HIF3A: variants seen among roughly 807,000 people sequenced by gnomAD.
HIF3A encodes hypoxia-inducible factor 3-alpha.
HIF3A carries 41 observed loss-of-function variants against 67.2 expected under a neutral mutation model. That is an observed-to-expected ratio of 0.61 (90% confidence interval 0.48 to 0.79). The LOEUF (loss-of-function observed/expected upper bound fraction) is 0.79, where lower values mean the gene tolerates loss of function less well. Ranked by LOEUF, HIF3A falls within the 30% of genes least tolerant of loss-of-function variation. HIF3A has a pLI of 0.00. For missense variants in HIF3A, 855 were observed against 898.0 expected (o/e 0.95, Z 0.61); for synonymous variants, 356 against 374.8 (o/e 0.95, Z 0.58).
chr19:46,331,843 G>A (rs1971251687), intron 13 of HIF3A, among the ~76,000 whole-genome samples: 1 of 111,466 alleles, frequency 9.0e-6, no homozygotes, highest in Non-Finnish European at 1.7e-5. Context: ...CAACAAGAGT[G>A]AAACTCCGTC....
At chr19:46,328,567 T>A (rs1970956370) in intron 11 of HIF3A, among the ~76,000 whole-genome samples, 2 of 152,164 alleles carry the variant, frequency 1.3e-5, no homozygotes, top group African/African-American at 4.8e-5. Context: ...ACTTTCCACA[T>A]AACTGCAGGC....
rs562751142 is a variant in HIF3A at position 46,298,385 on chromosome 19, C to A, written c.26+1283C>A. The A allele has an allele frequency of 3.9e-6, 5 of 1,287,388 alleles. No homozygotes were observed. The African/African-American group carries it at 6.1e-5, about 16-fold the overall frequency. The allele number at this position is 1,287,388 out of a possible 1,614,324, so 79.7% of individuals were successfully genotyped here. On this transcript the variant is annotated intron_variant, in intron 1 of 14. Transcript: ENST00000377670. The stretch of plus-strand genomic sequence containing the variant: ...GGTGCCCCCCCTCCCCACCCAAGGC[C>A]GGCCCTTTCCTGTGGAGTCATCTCA...
At chr19:46,338,096 A>C (rs568071010) in intron 14 of HIF3A, 1 of 424,300 alleles carries the variant, frequency 2.4e-6, no homozygotes, top group South Asian at 1.7e-5. Context: ...TTCTCACTGG[A>C]GTGTCGGTCC....
chr19:46,315,444 T>A (rs1299281458), intron 8 of HIF3A, among the ~76,000 whole-genome samples: 1 of 147,818 alleles, frequency 6.8e-6, no homozygotes, highest in African/African-American at 2.5e-5. Flanking sequence ...ACAGTTTTTT[T>A]ATCCATTCAC....
At chr19:46,338,603 AC>A (rs1971797685) in intron 14 of HIF3A, 1 of 912,974 alleles carries the variant, frequency 1.1e-6, no homozygotes, top group Non-Finnish European at 1.4e-6. Context: ...TCTCACCAGT[AC>A]TAGTTATGGT....
At chr19:46,304,409 G>A (rs1968642956) in intron 2 of HIF3A, among the ~76,000 whole-genome samples, 2 of 152,106 alleles carry the variant, frequency 1.3e-5, no homozygotes, top group African/African-American at 4.8e-5. Flanking sequence ...CTTACGATTT[G>A]GTCCTCTAGG....
intron 14 of HIF3A, among the ~76,000 whole-genome samples, chr19:46,338,871 C>T (rs887180908): frequency 2.6e-5 from 4 of 152,158 alleles, no homozygotes; most frequent in African/African-American, 7.2e-5. Flanking sequence ...GTGCCCAAGA[C>T]GTCACTGCCG....
intron 1 of HIF3A, chr19:46,298,207 C>T (rs538031437): frequency 1.4e-4 from 43 of 313,176 alleles, no homozygotes; most frequent in African/African-American, 9.3e-4. Context: ...TGTTTCTAAC[C>T]GCCCCCATCC....
At chr19:46,307,369 A>C (rs1968946134) in intron 3 of HIF3A, among the ~76,000 whole-genome samples, 1 of 152,208 alleles carries the variant, frequency 6.6e-6, no homozygotes, top group Non-Finnish European at 1.5e-5. Flanking sequence ...TGGGAGGCCA[A>C]GGTGGGAGGA....
At chr19:46,320,377 A>G (rs1044899127) in intron 8 of HIF3A, 66 bp from the exon 9 acceptor site, 24 of 1,285,252 alleles carry the variant, frequency 1.9e-5, no homozygotes, top group African/African-American at 1.0e-4. Flanking sequence ...TCACCTGAAC[A>G]GGCTTTCTGG....
intron 11 of HIF3A, among the ~76,000 whole-genome samples, chr19:46,328,071 T>C (rs1970920981): frequency 6.6e-6 from 1 of 152,244 alleles, no homozygotes; most frequent in South Asian, 2.1e-4. Flanking sequence ...CAATGCTACC[T>C]CTACCTTCCC....
At chr19:46,298,617 G>A in intron 1 of HIF3A, 1 of 917,986 alleles carries the variant, frequency 1.1e-6, no homozygotes, top group Non-Finnish European at 1.4e-6. Flanking sequence ...TCCCTGGTGG[G>A]TACGGCTTGC....
intron 13 of HIF3A, among the ~76,000 whole-genome samples, chr19:46,332,263 G>A (rs1039334289): frequency 6.6e-6 from 1 of 152,112 alleles, no homozygotes; most frequent in East Asian, 1.9e-4. Flanking sequence ...GCCGGGCGCT[G>A]TGGCTCACGC....
chr19:46,331,255 G>C lies in HIF3A; in HGVS notation c.1812G>C (p.Leu604=), dbSNP rs1468086707. ...CCAGCCCAGAACACGAAAACTTTCTGCTCTTTCCTCTCAGCCTGGTGTGTT... is the reference window on the plus strand; with the variant it reads ...CCAGCCCAGAACACGAAAACTTTCTCCTCTTTCCTCTCAGCCTGGTGTGTT... The part of the protein sequence containing the change: ...RSPSPEHENF[L]LFPLSLSFLL... The change falls in exon 13 of 15, where the codon CTG becomes CTC. Residue 604 remains leucine, a synonymous_variant. Transcript: ENST00000377670. 3 of 1,613,672 alleles carry C rather than the reference G, an allele frequency of 1.9e-6. No individual in the cohort carries two copies. The highest frequency in any genetic ancestry group is 1.7e-6 in the Non-Finnish European group (2 of 1,179,792).
At chr19:46,317,030 C>T (rs545122556) in intron 8 of HIF3A, among the ~76,000 whole-genome samples, 1 of 152,262 alleles carries the variant, frequency 6.6e-6, no homozygotes, top group Admixed American at 6.5e-5. Flanking sequence ...GCAGCCCTGA[C>T]CCACCTGAGC....
chr19:46,339,672 C>A lies in HIF3A; in HGVS notation c.*50C>A. 2 of 1,371,060 alleles carry A rather than the reference C, an allele frequency of 1.5e-6. No homozygotes were observed. The highest frequency in any genetic ancestry group is 2.0e-6 in the Non-Finnish European group (2 of 987,048). The allele number at this position is 1,371,060 out of a possible 1,614,324, so 84.9% of individuals were successfully genotyped here. On this transcript the variant is annotated 3_prime_UTR_variant, in exon 15 of 15. Coordinates refer to ENST00000377670, the MANE Select transcript of HIF3A (RefSeq NM_152795.4). ...TCTCCTCCCCCAGAAAGGACCTCAA[C>A]CACACTCCACGCCGGCAGCCAACGC...
chr19:46,322,615 A>G (rs1252568387), intron 10 of HIF3A, among the ~76,000 whole-genome samples: 6 of 151,496 alleles, frequency 4.0e-5, no homozygotes, highest in African/African-American at 1.5e-4. Context: ...AATTTTTTGT[A>G]TTTTTAGTAG....
At chr19:46,299,413 C>A (rs1968137391) in intron 1 of HIF3A, among the ~76,000 whole-genome samples, 1 of 152,348 alleles carries the variant, frequency 6.6e-6, no homozygotes, top group African/African-American at 2.4e-5. Context: ...CTGAGCCTCA[C>A]TTTCAGATCC....
chr19:46,310,622 C>T (rs1300760293), intron 6 of HIF3A: 1 of 456,094 alleles, frequency 2.2e-6, no homozygotes, highest in Admixed American at 2.4e-5. Flanking sequence ...CCTCTCTGTG[C>T]CACAATTTCC....
Sources: allele counts gnomAD v4.1 joint callset (sites outside exome capture counted in the v4.1 genomes callset), GRCh38; gene constraint gnomAD v4.1.1; transcripts MANE v1.5; gene names NCBI Gene and HGNC (gene_info 2026-07-23, HGNC 2026-07-21).